The following OPHN1 variants were observed in gnomAD, a reference collection of about 807,000 sequenced individuals.
OPHN1 encodes oligophrenin-1.
Under a neutral mutation model 60.7 loss-of-function variants are expected in OPHN1, and 11 were observed. That is an observed-to-expected ratio of 0.18 (90% CI 0.11 to 0.30). OPHN1 has a LOEUF of 0.30. Among genes scored for constraint, OPHN1 ranks in the 10% least tolerant of loss-of-function variants. The probability of loss-of-function intolerance (pLI) is 1.00; values close to 1 mark genes in which losing one functional copy is unlikely to be tolerated. For synonymous variants in OPHN1, 226 were observed against 222.6 expected, an observed-to-expected ratio of 1.02 and a Z score of -0.14; for missense variants, 449 against 611.0, an observed-to-expected ratio of 0.73 and a Z score of 2.80.
At chrX:68,267,705 A>G (rs2077939420) in intron 5 of OPHN1, among the ~76,000 whole-genome samples, 1 of 112,527 alleles carries the variant, frequency 8.9e-6, no homozygotes, top group South Asian at 3.6e-4. Context: ...AAGGAAACAG[A>G]GACACAAAAA....
chrX:68,077,720 A>C (rs2076958736), intron 19 of OPHN1, among the ~76,000 whole-genome samples: 1 of 112,503 alleles, frequency 8.9e-6, no homozygotes, highest in South Asian at 3.7e-4. Flanking sequence ...ATAGGATTAC[A>C]GAGGAATGTC....
chrX:68,195,247 C>G (rs2077508244), intron 12 of OPHN1, among the ~76,000 whole-genome samples: 1 of 111,361 alleles, frequency 9.0e-6, no homozygotes, highest in Admixed American at 9.5e-5. Context: ...GTCTAATGGG[C>G]ATTATAAAAT....
chrX:68,180,299 G>C (rs1017195431), intron 15 of OPHN1, among the ~76,000 whole-genome samples: 2 of 111,580 alleles, frequency 1.8e-5, no homozygotes, highest in African/African-American at 6.5e-5. Flanking sequence ...AGTAGGATTT[G>C]GGGTGAATTT....
chrX:68,095,339 C>T (rs1337618153), intron 19 of OPHN1, among the ~76,000 whole-genome samples: 4 of 111,991 alleles, frequency 3.6e-5, no homozygotes, highest in African/African-American at 1.3e-4. Flanking sequence ...AACACATCTA[C>T]AACCATCTGT....
At chrX:68,115,417 C>G (rs1026665803) in intron 16 of OPHN1, among the ~76,000 whole-genome samples, 13 of 111,828 alleles carry the variant, frequency 1.2e-4, no homozygotes, top group African/African-American at 4.2e-4. Context: ...GAGCAGAGAG[C>G]CCAGGAAAAT....
At chrX:68,185,113 C>T (rs767770662) in intron 15 of OPHN1, among the ~76,000 whole-genome samples, 8 of 112,530 alleles carry the variant, frequency 7.1e-5, no homozygotes, top group African/African-American at 1.6e-4. Flanking sequence ...GAAAATCCTA[C>T]TGATTTGCTG....
chrX:68,367,316 T>G (rs1470077279), intron 2 of OPHN1, among the ~76,000 whole-genome samples: 1 of 101,664 alleles, frequency 9.8e-6, no homozygotes, highest in Admixed American at 1.1e-4. Context: ...ATAGCACCAC[T>G]GCACTCCAGC....
chrX:68,171,183 T>C (rs2077389250), intron 15 of OPHN1, among the ~76,000 whole-genome samples: 1 of 110,964 alleles, frequency 9.0e-6, no homozygotes. Context: ...CTATTTCCCA[T>C]GATGTGATTA....
rs774416691 is a variant in OPHN1 at position 68,111,971 on chromosome X, C to G, written c.1421-12G>C. ...CAGGTTGTCAGACTCTGGGATAGAA[C>G]AGTAAGAGATAAATGGTTTGGCTTT... On this transcript the variant is annotated splice_polypyrimidine_tract_variant and intron_variant, in intron 17 of 24. Coordinates refer to ENST00000355520, the MANE Select transcript of OPHN1 (RefSeq NM_002547.3). 15 of 1,129,516 alleles carry G rather than the reference C, an allele frequency of 1.3e-5. No individual in the cohort carries two copies. Among genetic ancestry groups the G allele is most frequent in the Non-Finnish European group, 1.8e-5 (15 of 823,373 alleles). 93.1% of individuals were successfully genotyped at this position (1,129,516 alleles called of 1,213,427 possible). A position where few individuals can be genotyped will look rare whatever the true frequency, so the allele number is the denominator to read the frequency against.
At chrX:68,330,220 C>T (rs1052870709) in intron 2 of OPHN1, among the ~76,000 whole-genome samples, 6 of 110,103 alleles carry the variant, frequency 5.4e-5, no homozygotes, top group African/African-American at 1.7e-4. Flanking sequence ...CCGCCTCAGC[C>T]TCCCGAGTAG....
intron 3 of OPHN1, among the ~76,000 whole-genome samples, chrX:68,290,318 G>T (rs971948267): frequency 7.2e-5 from 8 of 110,981 alleles, no homozygotes; most frequent in African/African-American, 2.3e-4. Context: ...AAAAATTAGG[G>T]CCAGGTGCTG....
chrX:68,317,311 G>T (rs1245672124), intron 2 of OPHN1, among the ~76,000 whole-genome samples: 2 of 66,448 alleles, frequency 3.0e-5, no homozygotes, highest in African/African-American at 5.5e-5. Context: ...AAAAAAAAAA[G>T]AAAAAGAAGA....
At chrX:68,324,755 A>C (rs1652804602) in intron 2 of OPHN1, among the ~76,000 whole-genome samples, 2 of 111,340 alleles carry the variant, frequency 1.8e-5, no homozygotes, top group South Asian at 7.5e-4. Flanking sequence ...TAAAAATTTT[A>C]GACAGACTGG....
chrX:68,152,974 G>A (rs1427476282), intron 15 of OPHN1, among the ~76,000 whole-genome samples: 1 of 108,942 alleles, frequency 9.2e-6, no homozygotes, highest in African/African-American at 3.3e-5. Context: ...ACTTTGGGAG[G>A]CCAAGGCAGG....
At chrX:68,180,778 C>A (rs2077432898) in intron 15 of OPHN1, among the ~76,000 whole-genome samples, 1 of 111,611 alleles carries the variant, frequency 9.0e-6, no homozygotes, top group Admixed American at 9.6e-5. Context: ...GAAATTTCTT[C>A]CAGTAAGAGG....
intron 19 of OPHN1, among the ~76,000 whole-genome samples, chrX:68,084,288 C>T (rs2076986501): frequency 1.1e-5 from 1 of 87,671 alleles, no homozygotes; most frequent in Middle Eastern, 8.3e-3. Flanking sequence ...CCTATGTTTC[C>T]TTAGAGAAAG....
chrX:68,226,090 C>A (rs2077690455), intron 6 of OPHN1, among the ~76,000 whole-genome samples: 1 of 111,764 alleles, frequency 8.9e-6, no homozygotes, highest in African/African-American at 3.3e-5. Flanking sequence ...CATGCACAAG[C>A]TTCAGTAGCC....
chrX:68,162,990 C>T (rs994156954), intron 15 of OPHN1, among the ~76,000 whole-genome samples: 107 of 110,584 alleles, frequency 9.7e-4, no homozygotes, highest in African/African-American at 3.5e-3. Context: ...TATTTAAAAC[C>T]TGCTAGTACT....
intron 4 of OPHN1, among the ~76,000 whole-genome samples, chrX:68,278,019 G>T (rs931551544): frequency 3.6e-5 from 4 of 111,310 alleles, no homozygotes; most frequent in Non-Finnish European, 5.7e-5. Flanking sequence ...TCTCTCACAG[G>T]GTCCATAAGG....
Sources: gnomAD v4.1 joint callset for allele counts (sites outside exome capture counted in the v4.1 genomes callset) on GRCh38, gnomAD v4.1.1 for gene constraint, MANE v1.5 for transcripts, NCBI Gene and HGNC (gene_info 2026-07-23, HGNC 2026-07-21) for gene names.